The following ROR1 variants were observed in gnomAD, a reference collection of about 807,000 sequenced individuals.
ROR1 encodes inactive tyrosine-protein kinase transmembrane receptor ROR1.
In ROR1, 19 loss-of-function variants were observed where a neutral mutation model predicts 78.8. That is an observed-to-expected ratio of 0.24 (90% CI 0.17 to 0.35). The LOEUF (loss-of-function observed/expected upper bound fraction) is 0.35, where lower values mean the gene tolerates loss of function less well. Ranked by LOEUF, ROR1 falls within the 10% of genes least tolerant of loss-of-function variation. The pLI is 1.00. For synonymous variants in ROR1, 386 were observed against 433.6 expected, an observed-to-expected ratio of 0.89 and a Z score of 1.36; for missense variants, 917 against 1,177.8, an observed-to-expected ratio of 0.78 and a Z score of 3.24.
intron 1 of ROR1, among the ~76,000 whole-genome samples, chr1:63,977,380 C>T (rs1646170714): frequency 6.6e-6 from 1 of 152,030 alleles, no homozygotes; most frequent in Non-Finnish European, 1.5e-5. Flanking sequence ...GAATTTTTCA[C>T]CTGTGGTTTC....
At chr1:63,864,204 G>A (rs1167681929) in intron 1 of ROR1, among the ~76,000 whole-genome samples, 1 of 152,150 alleles carries the variant, frequency 6.6e-6, no homozygotes, top group African/African-American at 2.4e-5. Context: ...TTAAGAGATG[G>A]AGGCAGGATT....
intron 4 of ROR1, among the ~76,000 whole-genome samples, chr1:64,121,231 CTCCTTCCT>C (rs71056022): frequency 5.8e-5 from 8 of 138,692 alleles, no homozygotes; most frequent in Admixed American, 2.2e-4. Flanking sequence ...TCCTCCTTTC[CTCCTTCCT>C]TCCTTCCTTC....
At chr1:64,059,043 A>G (rs1035503791) in intron 4 of ROR1, among the ~76,000 whole-genome samples, 1 of 152,064 alleles carries the variant, frequency 6.6e-6, no homozygotes, top group African/African-American at 2.4e-5. Context: ...TTCTTGAGTC[A>G]GTTTTGGTAG....
At chr1:64,016,865 C>T (rs554997711) in intron 2 of ROR1, among the ~76,000 whole-genome samples, 5 of 151,852 alleles carry the variant, frequency 3.3e-5, no homozygotes, top group Admixed American at 2.0e-4. Flanking sequence ...AGTAATTTCT[C>T]ATCTGTGGAG....
intron 1 of ROR1, among the ~76,000 whole-genome samples, chr1:63,910,723 C>T (rs189317453): frequency 2.0e-5 from 3 of 152,278 alleles, no homozygotes; most frequent in East Asian, 1.9e-4. Flanking sequence ...GTGAGGGCTG[C>T]GCTTTTTCTG....
chr1:64,019,253 C>G (rs1646545778), intron 2 of ROR1, among the ~76,000 whole-genome samples: 1 of 152,192 alleles, frequency 6.6e-6, no homozygotes, highest in South Asian at 2.1e-4. Flanking sequence ...GTGCTTGGCA[C>G]TTTGTCAATT....
At chr1:63,986,077 G>C (rs1471477456) in intron 1 of ROR1, among the ~76,000 whole-genome samples, 1 of 152,102 alleles carries the variant, frequency 6.6e-6, no homozygotes, top group African/African-American at 2.4e-5. Context: ...GATACTGAAA[G>C]TCTAGATGGA....
intron 4 of ROR1, among the ~76,000 whole-genome samples, chr1:64,112,476 G>C (rs1648139457): frequency 6.6e-6 from 1 of 152,166 alleles, no homozygotes; most frequent in Admixed American, 6.5e-5. Context: ...GATGATTGTA[G>C]TAACTTGTCC....
chr1:63,987,756 A>G (rs1045191364), intron 1 of ROR1, among the ~76,000 whole-genome samples: 3 of 152,118 alleles, frequency 2.0e-5, no homozygotes, highest in Non-Finnish European at 4.4e-5. Context: ...ACATTCCTCT[A>G]TTTTTATATA....
Position 64,180,043 on chromosome 1 carries a change from GT to G in ROR1, c.*1189del, listed in dbSNP as rs1286385380. On this transcript the variant is annotated 3_prime_UTR_variant, in exon 9 of 9. Transcript: ENST00000371079. ...TAATTCTATTTTGCAAAATATGATGGTCTTCCTAAAAAACAAGTACTGAGTT... is the reference window on the plus strand; with the variant it reads ...TAATTCTATTTTGCAAAATATGATGGCTTCCTAAAAAACAAGTACTGAGTT... The G allele has an allele frequency of 4.6e-5, 7 of 152,086 alleles. No homozygotes were observed. The highest frequency in any genetic ancestry group is 7.4e-5 in the Non-Finnish European group (5 of 68,010). The allele number at this position is 152,086 out of a possible 1,614,324, so 9.4% of individuals were successfully genotyped here. A position where few individuals can be genotyped will look rare whatever the true frequency, so the allele number is the denominator to read the frequency against.
chr1:63,877,537 G>C (rs1157455662), intron 1 of ROR1, among the ~76,000 whole-genome samples: 1 of 152,080 alleles, frequency 6.6e-6, no homozygotes, highest in African/African-American at 2.4e-5. Context: ...TAAAGGGATT[G>C]GCCCTGGAGG....
intron 1 of ROR1, among the ~76,000 whole-genome samples, chr1:63,846,646 A>G (rs1195971074): frequency 6.6e-6 from 1 of 152,212 alleles, no homozygotes; most frequent in Non-Finnish European, 1.5e-5. Flanking sequence ...CAACGGAATC[A>G]CAGAGCCTCT....
chr1:63,868,864 C>T (rs1645233768), intron 1 of ROR1, among the ~76,000 whole-genome samples: 2 of 152,168 alleles, frequency 1.3e-5, no homozygotes, highest in South Asian at 4.1e-4. Context: ...GGTTTTTACA[C>T]ATTTTGTTTT....
At chr1:64,031,200 G>A (rs1646657121) in intron 2 of ROR1, among the ~76,000 whole-genome samples, 1 of 152,282 alleles carries the variant, frequency 6.6e-6, no homozygotes, top group African/African-American at 2.4e-5. Context: ...GCTGTTTGGA[G>A]GACACAGCTT....
intron 1 of ROR1, among the ~76,000 whole-genome samples, chr1:63,883,057 A>T (rs1266025773): frequency 1.3e-5 from 2 of 152,182 alleles, no homozygotes; most frequent in South Asian, 2.1e-4. Context: ...TGAAGCCTCC[A>T]ATGATGGGAG....
At chr1:63,928,817 A>G (rs1225047203) in intron 1 of ROR1, among the ~76,000 whole-genome samples, 2 of 152,180 alleles carry the variant, frequency 1.3e-5, no homozygotes, top group African/African-American at 2.4e-5. Flanking sequence ...CCTGGCACTT[A>G]GTGCTCAGTG....
At chr1:63,881,251 C>T (rs985114573) in intron 1 of ROR1, among the ~76,000 whole-genome samples, 1 of 152,136 alleles carries the variant, frequency 6.6e-6, no homozygotes, top group Non-Finnish European at 1.5e-5. Context: ...CAGGCACTGT[C>T]TCTGAAGAGT....
intron 4 of ROR1, among the ~76,000 whole-genome samples, chr1:64,062,031 C>T (rs1434384986): frequency 6.6e-6 from 1 of 152,198 alleles, no homozygotes; most frequent in Non-Finnish European, 1.5e-5. Context: ...AGGGAACTCT[C>T]ACCTGGAAAC....
chr1:64,078,111 T>A (rs763835706), intron 4 of ROR1, among the ~76,000 whole-genome samples: 1 of 152,212 alleles, frequency 6.6e-6, no homozygotes, highest in African/African-American at 2.4e-5. Flanking sequence ...ATTGCTACAG[T>A]TGATCAAGCA....
Sources: gnomAD v4.1 joint callset for allele counts (sites outside exome capture counted in the v4.1 genomes callset) on GRCh38, gnomAD v4.1.1 for gene constraint, MANE v1.5 for transcripts, NCBI Gene and HGNC (gene_info 2026-07-23, HGNC 2026-07-21) for gene names.